The following A3GALT2 variants were observed in gnomAD, a reference collection of about 807,000 sequenced individuals.
A3GALT2 encodes alpha-1,3-galactosyltransferase 2.
A neutral mutation model predicts 16.6 loss-of-function variants in A3GALT2; 14 were observed. The observed-to-expected ratio is 0.84, with a 90% CI of 0.56 to 1.32. The LOEUF (loss-of-function observed/expected upper bound fraction) is 1.32. A3GALT2 is among the 40% of genes most tolerant of loss of function. The pLI is 0.00. For synonymous variants in A3GALT2, 253 were observed against 218.0 expected (o/e 1.16, Z -1.42); for missense variants, 600 against 490.9 (o/e 1.22, Z -2.10).
At chr1:33,311,738 A>G (rs1460482760) in intron 4 of A3GALT2, among the ~76,000 whole-genome samples, 1 of 152,130 alleles carries the variant, frequency 6.6e-6, no homozygotes, top group African/African-American at 2.4e-5. Context: ...GAAAGACTCC[A>G]TCATTTTCTC....
intron 4 of A3GALT2, among the ~76,000 whole-genome samples, chr1:33,309,713 G>A (rs184832635): frequency 2.5e-4 from 38 of 151,774 alleles, no homozygotes; most frequent in African/African-American, 6.3e-4. Context: ...AAAGGGCGGC[G>A]GGGCAGAGGC....
Position 33,320,928 on chromosome 1 carries a change from C to T in A3GALT2, c.23+148G>A. On this transcript the variant is annotated intron_variant, in intron 1 of 4. Transcript: ENST00000442999. This position sits in a 1 kb window ranked among gnomAD's most constrained non-coding sequence, Gnocchi z 4.3. The stretch of plus-strand genomic sequence containing the variant: ...CTGGGGCAATGTCCCCTCTCGGAGC[C>T]ACCTTTCCCCAGGACTGGAGGCTCA... 2 of 992,952 alleles carry T rather than the reference C, an allele frequency of 2.0e-6. No homozygotes were observed. Among genetic ancestry groups the T allele is most frequent in the Non-Finnish European group, 3.0e-6 (2 of 656,986 alleles). The allele number at this position is 992,952 out of a possible 1,614,324, so 61.5% of individuals were successfully genotyped here.
At chr1:33,315,955 G>A (rs192115262) in intron 1 of A3GALT2, among the ~76,000 whole-genome samples, 13 of 152,234 alleles carry the variant, frequency 8.5e-5, no homozygotes, top group African/African-American at 3.1e-4. Flanking sequence ...GTGAGGGTAT[G>A]GGTCACATGA....
Position 33,321,083 on chromosome 1 carries a change from C to T in A3GALT2, c.16G>A (p.Gly6Arg). 6.2e-7 allele frequency: 1 copy of T among 1,613,130 alleles called. No homozygotes were observed. Among genetic ancestry groups the T allele is most frequent in the East Asian group, 2.2e-5 (1 of 44,866 alleles). The change falls in exon 1 of 5, where the codon GGA becomes AGA. Residue 6 changes from glycine to arginine, a missense_variant. Transcript: ENST00000442999. ...ACCATTGTCCCCCCTCACCTGAGTC[C>T]CTCCTTGAGAGCCATATGGGGAAGC... The part of the protein sequence containing the change: MALKE[G>R]LRAWKRIFWR...
At chr1:33,317,889 T>G (rs1322499277) in intron 1 of A3GALT2, among the ~76,000 whole-genome samples, 1 of 152,240 alleles carries the variant, frequency 6.6e-6, no homozygotes, top group Admixed American at 6.5e-5. Flanking sequence ...GAATGTCCTG[T>G]CAGTGCTCAA....
chr1:33,318,850 C>T (rs555937206), intron 1 of A3GALT2, among the ~76,000 whole-genome samples: 58 of 152,342 alleles, frequency 3.8e-4, no homozygotes, highest in African/African-American at 1.3e-3. Flanking sequence ...CTGCCTCACT[C>T]ATTATGCCTC....
At position 33,307,030 on chromosome 1, in the gene A3GALT2, G is replaced by A; in HGVS notation, c.759C>T (p.Asn253=). 1 of 1,492,870 alleles carries A rather than the reference G, an allele frequency of 6.7e-7. No homozygotes were observed. Among genetic ancestry groups the A allele is most frequent in the Non-Finnish European group, 8.9e-7 (1 of 1,125,662 alleles). 92.5% of individuals were successfully genotyped at this position (1,492,870 alleles called of 1,614,324 possible). ...CGCTGCCCCCGAACACCGCCGCGTG[G>A]TTATAGAAGTCGCCCTGGCCCCACG... ...AMAWGQGDFY[N]HAAVFGGSVA... The change falls in exon 5 of 5, where the codon AAC becomes AAT. Residue 253 remains asparagine, a synonymous_variant. Transcript: ENST00000442999.
intron 1 of A3GALT2, among the ~76,000 whole-genome samples, chr1:33,317,017 A>G (rs1646264878): frequency 6.6e-6 from 1 of 152,106 alleles, no homozygotes; most frequent in South Asian, 2.1e-4. Context: ...GGGTGGTTGT[A>G]TTGATGGGTG....
intron 1 of A3GALT2, chr1:33,314,394 T>C (rs1646251548): frequency 6.6e-6 from 1 of 152,438 alleles, no homozygotes; most frequent in African/African-American, 2.4e-5. Context: ...GCTCCCCTGG[T>C]CTCTTTCAAG....
At chr1:33,308,464 G>A (rs1646214325) in intron 4 of A3GALT2, among the ~76,000 whole-genome samples, 1 of 152,120 alleles carries the variant, frequency 6.6e-6, no homozygotes, top group Admixed American at 6.5e-5. Context: ...GGAGTACAGT[G>A]GCGCTATCTC....
At position 33,312,611 on chromosome 1, in the gene A3GALT2, G is replaced by A. The variant is rs767595583; in HGVS notation, c.108-21C>T. 1.9e-6 allele frequency: 3 copies of A among 1,555,688 alleles called. No homozygotes were observed. In the South Asian group the frequency reaches 3.6e-5, roughly 18 times the overall value. Reference sequence around the variant, plus strand: ...GATGCCTGTGGTGGGTTGAGGGGCGGGGGGCAGGCAGCCGTGAGAAGCATG... The same window carrying A: ...GATGCCTGTGGTGGGTTGAGGGGCGAGGGGCAGGCAGCCGTGAGAAGCATG... On this transcript the variant is annotated intron_variant, in intron 2 of 4. Transcript: ENST00000442999.
rs989717877 is a variant in A3GALT2 at position 33,312,838 on chromosome 1, C to T, written c.76G>A (p.Gly26Ser). The change falls in exon 2 of 5, where the codon GGC (glycine) becomes AGC (serine). Residue 26 changes from glycine to serine, a missense_variant. By Grantham distance (56) the Gly-to-Ser change is moderately conservative (BLOSUM62 0). Transcript: ENST00000442999. ...RQILLTLGLL[G>S]LFLYGLPKFR... is the part of the protein sequence containing the mutation. The stretch of plus-strand genomic sequence containing the variant: ...TTAGGGAGGCCATACAGAAACAGGC[C>T]TAAGAGGCCAAGTGTAAGTAGGATC... 1.2e-6 allele frequency: 2 copies of T among 1,605,438 alleles called. No individual in the cohort carries two copies. Among genetic ancestry groups the T allele is most frequent in the Non-Finnish European group, 1.7e-6 (2 of 1,176,172 alleles).
chr1:33,316,687 T>C (rs913377714), intron 1 of A3GALT2, among the ~76,000 whole-genome samples: 1 of 151,630 alleles, frequency 6.6e-6, no homozygotes, highest in Non-Finnish European at 1.5e-5. Context: ...GGCCATGGAT[T>C]TGAGGGACGG....
chr1:33,309,432 A>G (rs528475535), intron 4 of A3GALT2, among the ~76,000 whole-genome samples: 5 of 147,540 alleles, frequency 3.4e-5, no homozygotes, highest in Admixed American at 2.7e-4. Flanking sequence ...GCGGCTGGCC[A>G]GGCGGGGGCT....
chr1:33,310,827 G>C (rs1246397808), intron 4 of A3GALT2, among the ~76,000 whole-genome samples: 31 of 152,204 alleles, frequency 2.0e-4, no homozygotes, highest in Non-Finnish European at 1.5e-5. Flanking sequence ...GCTGGGGCAG[G>C]AACGCCCTAC....
intron 4 of A3GALT2, 145 bp from the exon 5 acceptor site, chr1:33,307,598 CCTCA>C (rs1392064863): frequency 3.7e-5 from 15 of 407,656 alleles, no homozygotes; most frequent in Non-Finnish European, 3.6e-5. Flanking sequence ...CTCACCCCCA[CCTCA>C]TCCCACCCCT....
intron 1 of A3GALT2, among the ~76,000 whole-genome samples, chr1:33,315,025 T>C (rs1258676118): frequency 6.6e-6 from 1 of 151,860 alleles, no homozygotes; most frequent in African/African-American, 2.4e-5. Context: ...GGCAGGAGAA[T>C]TGCTTGAGGC....
chr1:33,310,290 G>A (rs962319137), intron 4 of A3GALT2, among the ~76,000 whole-genome samples: 10 of 152,154 alleles, frequency 6.6e-5, no homozygotes, highest in Admixed American at 2.0e-4. Context: ...GAGGGAGACC[G>A]TGGAGAGAGA....
Position 33,312,118 on chromosome 1 carries a change from T to A in A3GALT2, c.269A>T (p.Asp90Val). 1 of 1,613,684 alleles carries A rather than the reference T, an allele frequency of 6.2e-7. No individual in the cohort carries two copies. The highest frequency in any genetic ancestry group is 8.5e-7 in the Non-Finnish European group (1 of 1,179,820). The change falls in exon 4 of 5, where the codon GAT (aspartate) becomes GTT (valine). Residue 90 changes from aspartate to valine, a missense_variant. Asp to Val is a radical substitution (Grantham distance 152). Coordinates refer to ENST00000442999, the MANE Select transcript of A3GALT2 (RefSeq NM_001080438.1). ...PIIWDGSFDPDVAKQEARQQN... is the reference protein window; with the variant it reads ...PIIWDGSFDPVVAKQEARQQN... Reference sequence around the variant, plus strand: ...CTGTCTAGCCTCTTGCTTGGCCACATCTGGGTCGAAAGAGCCATCCCAAAT... The same window carrying A: ...CTGTCTAGCCTCTTGCTTGGCCACAACTGGGTCGAAAGAGCCATCCCAAAT...
Sources: allele counts gnomAD v4.1 joint callset (sites outside exome capture counted in the v4.1 genomes callset), GRCh38; gene constraint gnomAD v4.1.1; non-coding constraint Gnocchi (gnomAD v3.1); transcripts MANE v1.5; gene names NCBI Gene and HGNC (gene_info 2026-07-23, HGNC 2026-07-21).